The following NSD1 variants were observed in gnomAD, a reference collection of about 807,000 sequenced individuals.
NSD1 encodes the protein histone-lysine N-methyltransferase, H3 lysine-36 specific.
Under a neutral mutation model 242.7 loss-of-function variants are expected in NSD1, and 26 were observed. That is an observed-to-expected ratio of 0.11 (90% CI 0.08 to 0.15). The LOEUF is 0.15. Ranked by LOEUF, NSD1 falls within the 10% of genes least tolerant of loss-of-function variation. The pLI, the probability that NSD1 is intolerant of heterozygous loss-of-function variation, is 1.00. For missense variants in NSD1, 2,495 were observed against 3,272.8 expected, an observed-to-expected ratio of 0.76 and a Z score of 5.80; for synonymous variants, 1,106 against 1,178.1, an observed-to-expected ratio of 0.94 and a Z score of 1.25.
At position 177,217,038 on chromosome 5, in the gene NSD1, C is replaced by CA. The variant is rs369105083; in HGVS notation, c.3796+4852dup. Among the ~76,000 whole-genome samples the CA allele has an allele frequency of 3.5e-3, 501 of 144,584 alleles. 3 individuals carry two copies. The highest frequency in any genetic ancestry group is 0.012 in the African/African-American group (455 of 39,402). 94.9% of individuals were successfully genotyped at this position (144,584 alleles called of 152,430 possible). ...ATTTAGGATAGTTTTTTTATTTCTGCAAAAAAAAATGGCTTTTGAGATGTT... is the reference window on the plus strand; with the variant it reads ...ATTTAGGATAGTTTTTTTATTTCTGCAAAAAAAAAATGGCTTTTGAGATGTT... On this transcript the variant is annotated intron_variant, in intron 5 of 22. Transcript: ENST00000439151.
chr5:177,241,049 G>T (rs1765817939), intron 8 of NSD1, among the ~76,000 whole-genome samples: 1 of 152,116 alleles, frequency 6.6e-6, no homozygotes, highest in East Asian at 1.9e-4. Flanking sequence ...AAATTTTTGT[G>T]TGCCCCATGG....
chr5:177,168,821 C>G (rs550289017), intron 2 of NSD1, among the ~76,000 whole-genome samples: 2 of 152,258 alleles, frequency 1.3e-5, no homozygotes, highest in South Asian at 4.1e-4. Context: ...TCTTGGAAAG[C>G]ATTTTCTGCA....
rs1276250103 is a variant in NSD1, at chr5:177,248,055, C to T, written c.4498-126C>T. 5.9e-6 allele frequency: 9 copies of T among 1,534,144 alleles called. No homozygotes were observed. In the East Asian group the frequency reaches 1.2e-4, roughly 21 times the overall value. ...GTTAGAACTAACATTGCATGCAGTC[C>T]GCCCGAGTGATTGGCTGAACATCTG... On this transcript the variant is annotated intron_variant, in intron 10 of 22. Coordinates refer to ENST00000439151, the MANE Select transcript of NSD1 (RefSeq NM_022455.5).
intron 5 of NSD1, among the ~76,000 whole-genome samples, chr5:177,230,370 A>T (rs562381211): frequency 6.6e-6 from 1 of 152,302 alleles, no homozygotes; most frequent in East Asian, 1.9e-4. Flanking sequence ...TAATAGATGT[A>T]TCCAGTACAG....
chr5:177,239,853 C>T lies in NSD1; in HGVS notation c.4290C>T (p.Gly1430=). The change falls in exon 8 of 23, where the codon GGC becomes GGT. Residue 1430 remains glycine, a synonymous_variant. Coordinates refer to ENST00000439151, the MANE Select transcript of NSD1 (RefSeq NM_022455.5). ...PGFMPKKGDL[G]LSKKCYEAGH... is the part of the protein sequence containing the mutation. ...TTATGCCCAAGAAGGGGGACCTTGG[C>T]CTTTCTAAAAAGGTATGTTATTTTT... 6.3e-7 allele frequency: 1 copy of T among 1,599,120 alleles called. No individual in the cohort carries two copies.
intron 16 of NSD1, among the ~76,000 whole-genome samples, chr5:177,270,822 T>C (rs1345945738): frequency 6.6e-6 from 1 of 152,228 alleles, no homozygotes; most frequent in Non-Finnish European, 1.5e-5. Flanking sequence ...CCACATGTTA[T>C]TTTAGTAGCT....
chr5:177,195,243 G>C (rs1277002462), intron 3 of NSD1, among the ~76,000 whole-genome samples: 1 of 152,070 alleles, frequency 6.6e-6, no homozygotes, highest in Non-Finnish European at 1.5e-5. Context: ...AGCACTTTGG[G>C]AGTCCGAGGT....
intron 2 of NSD1, among the ~76,000 whole-genome samples, chr5:177,188,730 C>CT (rs1443705722): frequency 6.6e-6 from 1 of 151,808 alleles, no homozygotes; most frequent in East Asian, 1.9e-4. Flanking sequence ...CCAGGCTGGC[C>CT]TTGAACGCCC....
intron 2 of NSD1, among the ~76,000 whole-genome samples, chr5:177,154,108 A>T (rs1241729953): frequency 6.6e-6 from 1 of 152,132 alleles, no homozygotes; most frequent in South Asian, 2.1e-4. Flanking sequence ...TATGGATGCT[A>T]GCTCTTTGTA....
intron 2 of NSD1, among the ~76,000 whole-genome samples, chr5:177,160,293 T>G (rs1364221864): frequency 6.6e-6 from 1 of 150,880 alleles, no homozygotes; most frequent in African/African-American, 2.4e-5. Flanking sequence ...TTTTAATGTG[T>G]TTTTTTTTCT....
chr5:177,231,281 C>T (rs1047577162), intron 5 of NSD1, among the ~76,000 whole-genome samples: 6 of 151,740 alleles, frequency 4.0e-5, no homozygotes, highest in Admixed American at 1.3e-4. Flanking sequence ...GACGAGGTCT[C>T]GCCATGTTCC....
At chr5:177,187,253 C>T (rs552639314) in intron 2 of NSD1, among the ~76,000 whole-genome samples, 7 of 152,026 alleles carry the variant, frequency 4.6e-5, no homozygotes, top group Non-Finnish European at 1.5e-5. Context: ...TACAGGCACA[C>T]ACCACCATGC....
At chr5:177,185,471 G>A (rs576872407) in intron 2 of NSD1, among the ~76,000 whole-genome samples, 9 of 151,128 alleles carry the variant, frequency 6.0e-5, no homozygotes, top group African/African-American at 2.2e-4. Flanking sequence ...GGTGGCAGGC[G>A]CCTGTAATCC....
chr5:177,225,617 A>G (rs542607206), intron 5 of NSD1, among the ~76,000 whole-genome samples: 1 of 152,286 alleles, frequency 6.6e-6, no homozygotes, highest in South Asian at 2.1e-4. Flanking sequence ...CTTTGCTAGT[A>G]AATAGGGTCA....
At chr5:177,152,691 C>T (rs548865224) in intron 2 of NSD1, among the ~76,000 whole-genome samples, 48 of 151,430 alleles carry the variant, frequency 3.2e-4, no homozygotes, top group Non-Finnish European at 5.9e-4. Flanking sequence ...GTCTTGATCT[C>T]CTGACCTTGT....
At chr5:177,239,294 CTA>C (rs1765678005) in intron 7 of NSD1, among the ~76,000 whole-genome samples, 2 of 152,204 alleles carry the variant, frequency 1.3e-5, no homozygotes, top group Admixed American at 6.5e-5. Flanking sequence ...TGCCAAAACT[CTA>C]TTAAGTCAGC....
Position 177,211,195 on chromosome 5 carries a change from C to T in NSD1, c.2796C>T (p.Asn932=). The change falls in exon 5 of 23, where the codon AAC becomes AAT. Residue 932 remains asparagine, a synonymous_variant. Transcript: ENST00000439151. ...AGCAGCGGTTGATGACTGCTCAAAA[C>T]CTGGTCTCTTACCGGAGTCCTGGTC... ...TKEQRLMTAQ[N]LVSYRSPGRG... 1.9e-6 allele frequency: 3 copies of T among 1,614,076 alleles called. No individual in the cohort carries two copies. Among genetic ancestry groups the T allele is most frequent in the Non-Finnish European group, 2.5e-6 (3 of 1,179,998 alleles).
intron 2 of NSD1, among the ~76,000 whole-genome samples, chr5:177,164,149 C>CTTTTTTTTTTTTT (rs56076836): frequency 5.8e-5 from 8 of 138,392 alleles, no homozygotes; most frequent in Non-Finnish European, 7.6e-5. Context: ...AAAATGTAAC[C>CTTTTTTTTTTTTT]TTTTTTTTTT....
chr5:177,237,358 T>G (rs1285331822), intron 6 of NSD1, among the ~76,000 whole-genome samples: 1 of 151,972 alleles, frequency 6.6e-6, no homozygotes, highest in Non-Finnish European at 1.5e-5. Flanking sequence ...ATTGTAACAT[T>G]AAGGAGTTCA....
Sources: allele counts gnomAD v4.1 joint callset (sites outside exome capture counted in the v4.1 genomes callset), GRCh38; gene constraint gnomAD v4.1.1; transcripts MANE v1.5; gene names NCBI Gene and HGNC (gene_info 2026-07-23, HGNC 2026-07-21).